Variants in SLC9A9 observed in about 807,000 individuals in gnomAD.
The protein encoded by SLC9A9 is solute carrier family 9 member A9, also known as sodium/hydrogen exchanger 9.
Under a neutral mutation model 77.8 loss-of-function variants are expected in SLC9A9, and 62 were observed. That is an observed-to-expected ratio of 0.80 (90% confidence interval 0.65 to 0.98). The LOEUF is 0.98. Among genes scored for constraint, SLC9A9 ranks in the 50% least tolerant of loss-of-function variants. The pLI, the probability that SLC9A9 is intolerant of heterozygous loss-of-function variation, is 0.00. For missense variants in SLC9A9, 775 were observed against 774.9 expected (o/e 1.00, Z 0.00); for synonymous variants, 320 against 283.5 (o/e 1.13, Z -1.29).
At chr3:143,591,454 G>T (rs188716353) in intron 6 of SLC9A9, among the ~76,000 whole-genome samples, 13 of 152,306 alleles carry the variant, frequency 8.5e-5, no homozygotes, top group African/African-American at 3.1e-4. Context: ...TAACTTATAT[G>T]TTTCTAGGCG....
At chr3:143,389,129 T>C (rs1034662451) in intron 12 of SLC9A9, among the ~76,000 whole-genome samples, 2 of 152,190 alleles carry the variant, frequency 1.3e-5, no homozygotes, top group African/African-American at 4.8e-5. Context: ...GAATCTTGAG[T>C]GCTATGCTTA....
At chr3:143,831,857 C>A (rs1185317901) in intron 2 of SLC9A9, among the ~76,000 whole-genome samples, 162 bp downstream of exon 2, 1 of 151,956 alleles carries the variant, frequency 6.6e-6, no homozygotes, top group Non-Finnish European at 1.5e-5. Context: ...AAGGGTATAA[C>A]TCAGGGTTTG....
intron 8 of SLC9A9, among the ~76,000 whole-genome samples, chr3:143,557,025 T>A (rs1268840007): frequency 6.6e-6 from 1 of 152,112 alleles, no homozygotes; most frequent in Non-Finnish European, 1.5e-5. Context: ...GTGTCCCCCA[T>A]CACATCTCAT....
intron 6 of SLC9A9, among the ~76,000 whole-genome samples, chr3:143,600,665 T>G (rs2037831963): frequency 6.6e-6 from 1 of 152,166 alleles, no homozygotes; most frequent in African/African-American, 2.4e-5. Context: ...TTGATCAGCA[T>G]GAAAATGTCT....
intron 6 of SLC9A9, among the ~76,000 whole-genome samples, chr3:143,648,480 T>C (rs1294776380): frequency 1.3e-5 from 2 of 152,210 alleles, no homozygotes; most frequent in East Asian, 1.9e-4. Flanking sequence ...CAGGCAGTAC[T>C]GCTCACTGGC....
In SLC9A9 at chr3:143,652,440, A is replaced by C. The variant is rs2038813704; in HGVS notation, c.650-80T>G. ...CCTTGGCTATGGTCACCACTCAAAA[A>C]CATTAATGAAATGCTCATCTTCTCA... On this transcript the variant is annotated intron_variant, in intron 5 of 15. Coordinates refer to ENST00000316549, the MANE Select transcript of SLC9A9 (RefSeq NM_173653.4). 6.0e-6 allele frequency: 6 copies of C among 1,004,388 alleles called. No homozygotes were observed. In the South Asian group the frequency reaches 8.2e-5, roughly 14 times the overall value. The allele number at this position is 1,004,388 out of a possible 1,614,324, so 62.2% of individuals were successfully genotyped here.
chr3:143,773,386 A>G (rs2007590130), intron 4 of SLC9A9, among the ~76,000 whole-genome samples: 1 of 152,180 alleles, frequency 6.6e-6, no homozygotes, highest in African/African-American at 2.4e-5. Context: ...ATAATAAAAT[A>G]TAGAAAAAAA....
chr3:143,539,181 T>A (rs1239351873), intron 9 of SLC9A9, among the ~76,000 whole-genome samples: 1 of 152,186 alleles, frequency 6.6e-6, no homozygotes, highest in East Asian at 1.9e-4. Context: ...TCCAATCAAG[T>A]CCTTTTTCAA....
At chr3:143,686,200 G>T (rs1322253015) in intron 5 of SLC9A9, among the ~76,000 whole-genome samples, 1 of 152,034 alleles carries the variant, frequency 6.6e-6, no homozygotes, top group African/African-American at 2.4e-5. Flanking sequence ...TCCTCAAGTT[G>T]TATTAATTCA....
chr3:143,640,443 T>C (rs1176834482), intron 6 of SLC9A9, among the ~76,000 whole-genome samples: 1 of 152,124 alleles, frequency 6.6e-6, no homozygotes, highest in African/African-American at 2.4e-5. Context: ...CTAGAAACCA[T>C]CACTGGGCAC....
intron 6 of SLC9A9, among the ~76,000 whole-genome samples, chr3:143,590,449 T>A (rs1405753595): frequency 1.3e-5 from 2 of 152,230 alleles, no homozygotes; most frequent in Non-Finnish European, 2.9e-5. Flanking sequence ...TTCCAACTAG[T>A]GTATTAGAAC....
chr3:143,774,078 T>C (rs2108842123), intron 4 of SLC9A9, among the ~76,000 whole-genome samples: 1 of 152,340 alleles, frequency 6.6e-6, no homozygotes, highest in South Asian at 2.1e-4. Context: ...CAAAAATGCA[T>C]ATAAGGCAAA....
chr3:143,404,625 G>C (rs2033936829), intron 12 of SLC9A9, among the ~76,000 whole-genome samples: 1 of 151,890 alleles, frequency 6.6e-6, no homozygotes, highest in Non-Finnish European at 1.5e-5. Flanking sequence ...TCCTGTACAA[G>C]GGCTGCACTA....
intron 2 of SLC9A9, among the ~76,000 whole-genome samples, chr3:143,809,288 C>A (rs185922940): frequency 3.8e-4 from 58 of 152,346 alleles, no homozygotes; most frequent in South Asian, 1.0e-3. Flanking sequence ...CCATTCCCTG[C>A]ATGCAGGTTA....
At chr3:143,512,474 A>G (rs2108606347) in intron 9 of SLC9A9, among the ~76,000 whole-genome samples, 1 of 152,372 alleles carries the variant, frequency 6.6e-6, no homozygotes. Context: ...AATAAAGCAA[A>G]TATAGCAATA....
At chr3:143,686,416 G>A (rs946853883) in intron 5 of SLC9A9, among the ~76,000 whole-genome samples, 2 of 152,194 alleles carry the variant, frequency 1.3e-5, no homozygotes, top group African/African-American at 4.8e-5. Context: ...CACGGACAGG[G>A]GATAGAAAGC....
At chr3:143,339,786 T>C (rs2032041599) in intron 14 of SLC9A9, among the ~76,000 whole-genome samples, 1 of 152,210 alleles carries the variant, frequency 6.6e-6, no homozygotes. Flanking sequence ...TATTCAGTTC[T>C]GATCATTAGG....
At chr3:143,612,209 G>A (rs149490381) in intron 6 of SLC9A9, among the ~76,000 whole-genome samples, 7 of 152,226 alleles carry the variant, frequency 4.6e-5, no homozygotes, top group Non-Finnish European at 1.5e-5. Context: ...TCAGTGTCAA[G>A]TTTGAAGAGA....
intron 14 of SLC9A9, among the ~76,000 whole-genome samples, chr3:143,269,571 C>T (rs7637149): frequency 0.35 from 53,256 of 152,026 alleles, 12,068 homozygotes; most frequent in African/African-American, 0.65. Context: ...TTCTCATCTC[C>T]TCATTCCAAA....
Sources: gnomAD v4.1 joint callset for allele counts (sites outside exome capture counted in the v4.1 genomes callset) on GRCh38, gnomAD v4.1.1 for gene constraint, MANE v1.5 for transcripts, NCBI Gene and HGNC (gene_info 2026-07-23, HGNC 2026-07-21) for gene names.